TMEM182: variants seen among roughly 807,000 people sequenced by gnomAD.
TMEM182 encodes transmembrane protein 182.
In TMEM182, 20 loss-of-function variants were observed where a neutral mutation model predicts 26.8. That is an observed-to-expected ratio of 0.75 (90% CI 0.53 to 1.09). The LOEUF is 1.09. TMEM182 is among the 50% of genes least tolerant of loss of function. The pLI is 0.00. For missense variants in TMEM182, 277 were observed against 275.5 expected (o/e 1.01, Z -0.04); for synonymous variants, 109 against 102.2 (o/e 1.07, Z -0.40).
In TMEM182 at chr2:102,772,939, G is replaced by GGTGTGT. The variant is rs71948151; in HGVS notation, c.331+8533_331+8538dup. 3.0e-3 allele frequency among the ~76,000 whole-genome samples: 449 copies of GGTGTGT among 147,986 alleles called. 1 individual carries two copies. The highest frequency in any genetic ancestry group is 4.9e-3 in the Non-Finnish European group (326 of 66,580). ...GTGAAACACTTTCTGCTCTCTGAAG[G>GGTGTGT]GTGTGTGTGTGTGTGTGTGTGTGTG... On this transcript the variant is annotated intron_variant, in intron 3 of 4. Coordinates refer to ENST00000412401, the MANE Select transcript of TMEM182 (RefSeq NM_144632.5).
chr2:102,808,831 A>G (rs1184049805), intron 4 of TMEM182, among the ~76,000 whole-genome samples: 1 of 152,210 alleles, frequency 6.6e-6, no homozygotes. Context: ...TTCCCAAACA[A>G]AAGACTGTAT....
intron 3 of TMEM182, among the ~76,000 whole-genome samples, chr2:102,768,682 C>A (rs1680559842): frequency 6.6e-6 from 1 of 152,030 alleles, no homozygotes; most frequent in South Asian, 2.1e-4. Flanking sequence ...GCCTGGGCAA[C>A]AGAGCAAGAC....
chr2:102,759,283 C>T (rs1039068863), upstream of TMEM182, among the ~76,000 whole-genome samples: 1 of 152,152 alleles, frequency 6.6e-6, no homozygotes, highest in Non-Finnish European at 1.5e-5. Context: ...CAAACAACAA[C>T]ACTGTCACCT....
In TMEM182 at chr2:102,762,367, A is replaced by G; in HGVS notation, c.132+18A>G. 1 of 1,613,722 alleles carries G rather than the reference A, an allele frequency of 6.2e-7. No homozygotes were observed. Among genetic ancestry groups the G allele is most frequent in the Non-Finnish European group, 8.5e-7 (1 of 1,179,860 alleles). On this transcript the variant is annotated intron_variant, in intron 1 of 4. Coordinates refer to ENST00000412401, the MANE Select transcript of TMEM182 (RefSeq NM_144632.5). ...AAAAGAATGTGAGTCTCTTCTTCAA[A>G]ATAGTGATGCACATGGTAGTTATGA...
At chr2:102,767,909 C>G (rs1680517221) in intron 3 of TMEM182, among the ~76,000 whole-genome samples, 1 of 152,158 alleles carries the variant, frequency 6.6e-6, no homozygotes, top group Non-Finnish European at 1.5e-5. Flanking sequence ...GGTCCTCCAT[C>G]TCAGTATCTG....
chr2:102,825,093 A>G (rs899830998), intron 3 of TMEM182, among the ~76,000 whole-genome samples: 4 of 152,258 alleles, frequency 2.6e-5, no homozygotes, highest in Non-Finnish European at 5.9e-5. Flanking sequence ...TCATGAAATG[A>G]TGAGCCTCAA....
chr2:102,804,141 T>C (rs1361159193), intron 4 of TMEM182, among the ~76,000 whole-genome samples: 1 of 152,186 alleles, frequency 6.6e-6, no homozygotes, highest in African/African-American at 2.4e-5. Context: ...TTTTAGTTTC[T>C]TTTTTTATTA....
At chr2:102,804,332 C>A (rs1446019528) in intron 4 of TMEM182, among the ~76,000 whole-genome samples, 1 of 151,960 alleles carries the variant, frequency 6.6e-6, no homozygotes, top group African/African-American at 2.4e-5. Flanking sequence ...CCCCCAAGTC[C>A]CCAAAGTCCA....
chr2:102,817,516 G>A lies in TMEM182; in HGVS notation c.*2548G>A. 1 of 985,378 alleles carries A rather than the reference G, an allele frequency of 1.0e-6. No homozygotes were observed. The highest frequency in any genetic ancestry group is 1.2e-6 in the Non-Finnish European group (1 of 829,904). 61.0% of individuals were successfully genotyped at this position (985,378 alleles called of 1,614,324 possible). A position where few individuals can be genotyped will look rare whatever the true frequency, so the allele number is the denominator to read the frequency against. The stretch of plus-strand genomic sequence containing the variant: ...TTGGCTGGAGAGACTACACAGAGAA[G>A]TTTAATGATCGTGTACAATTTGAGG... On this transcript the variant is annotated 3_prime_UTR_variant, in exon 5 of 5. Transcript: ENST00000412401.
chr2:102,795,869 T>C (rs1573544402), intron 3 of TMEM182, among the ~76,000 whole-genome samples: 2 of 152,132 alleles, frequency 1.3e-5, no homozygotes, highest in Admixed American at 1.3e-4. Flanking sequence ...CCATGACACA[T>C]AGCAAGCAGC....
At chr2:102,821,160 C>T (rs748871652), downstream of TMEM182, among the ~76,000 whole-genome samples, 4 of 152,204 alleles carry the variant, frequency 2.6e-5, no homozygotes, top group Admixed American at 6.5e-5. Context: ...CCAGACTCAA[C>T]ACCCTTGAAC....
chr2:102,756,125 G>C (rs761104361), intron 1 of TMEM182, among the ~76,000 whole-genome samples: 1 of 152,228 alleles, frequency 6.6e-6, no homozygotes, highest in Admixed American at 6.5e-5. Context: ...GATGATGTGT[G>C]TGTATTGGTG....
At chr2:102,819,078 C>A (rs117981068), downstream of TMEM182, among the ~76,000 whole-genome samples, 261 of 152,274 alleles carry the variant, frequency 1.7e-3, 4 homozygotes, top group East Asian at 0.046. Flanking sequence ...TTCTTCTGGA[C>A]GTCTAGGAAT....
chr2:102,825,107 C>CA (rs1229448677), intron 3 of TMEM182, among the ~76,000 whole-genome samples: 1 of 152,126 alleles, frequency 6.6e-6, no homozygotes, highest in Non-Finnish European at 1.5e-5. Context: ...GCCTCAAAGG[C>CA]AAAAACTTCA....
chr2:102,808,275 T>G (rs1028580197), intron 4 of TMEM182, among the ~76,000 whole-genome samples: 3 of 152,220 alleles, frequency 2.0e-5, no homozygotes, highest in African/African-American at 7.2e-5. Context: ...CGATGAAAGC[T>G]GAATGAGCCA....
At chr2:102,768,537 A>C (rs1165022580) in intron 3 of TMEM182, among the ~76,000 whole-genome samples, 3 of 85,318 alleles carry the variant, frequency 3.5e-5, no homozygotes, top group Non-Finnish European at 5.3e-5. Flanking sequence ...AAAAAAAAAA[A>C]CACACACAAA....
intron 4 of TMEM182, among the ~76,000 whole-genome samples, chr2:102,801,330 G>A (rs975343278): frequency 1.3e-5 from 2 of 152,142 alleles, no homozygotes; most frequent in African/African-American, 2.4e-5. Context: ...AACATCCTGA[G>A]ACTGGGCCCA....
chr2:102,757,831 G>C (rs575532221), upstream of TMEM182, among the ~76,000 whole-genome samples: 2 of 152,316 alleles, frequency 1.3e-5, no homozygotes, highest in East Asian at 3.9e-4. Context: ...AGGAAACTTA[G>C]AATCTTGGCG....
upstream of TMEM182, among the ~76,000 whole-genome samples, chr2:102,758,026 A>T (rs551202965): frequency 6.6e-6 from 1 of 152,170 alleles, no homozygotes; most frequent in Admixed American, 6.5e-5. Flanking sequence ...TTCCAATCTG[A>T]CATGAGATTT....
Sources: gnomAD v4.1 joint callset for allele counts (sites outside exome capture counted in the v4.1 genomes callset) on GRCh38, gnomAD v4.1.1 for gene constraint, MANE v1.5 for transcripts, NCBI Gene and HGNC (gene_info 2026-07-23, HGNC 2026-07-21) for gene names.